The following DEPDC5 variants were observed in gnomAD, a reference collection of about 807,000 sequenced individuals.
DEPDC5 encodes the protein GATOR1 complex protein DEPDC5.
Under a neutral mutation model 217.3 loss-of-function variants are expected in DEPDC5, and 73 were observed. That is an observed-to-expected ratio of 0.34 (90% CI 0.28 to 0.41). The LOEUF is 0.41. DEPDC5 is among the 10% of genes least tolerant of loss of function. DEPDC5 has a pLI of 1.00. For synonymous variants in DEPDC5, 733 were observed against 756.7 expected, an observed-to-expected ratio of 0.97 and a Z score of 0.51; for missense variants, 1,675 against 2,070.1, an observed-to-expected ratio of 0.81 and a Z score of 3.70.
Position 31,798,653 on chromosome 22 carries a change from A to G in DEPDC5, c.943A>G (p.Asn315Asp). Residue 315 changes from asparagine to aspartate, a missense_variant, in exon 14 of 43, where the codon AAT (asparagine) becomes GAT (aspartate). Transcript: ENST00000651528. The part of the protein sequence containing the change: ...NYLEAINLSF[N>D]VFDKHYINRN... ...CCTGGAGGCCATCAATCTGTCATTC[A>G]ATGGTGAGTAAGGATGCCGGCCATG... is the stretch of plus-strand genomic sequence containing the variant. 6.2e-7 allele frequency: 1 copy of G among 1,610,962 alleles called. No individual in the cohort carries two copies. Among genetic ancestry groups the G allele is most frequent in the Non-Finnish European group, 8.5e-7 (1 of 1,178,108 alleles).
Position 31,857,490 on chromosome 22 carries a change from C to T in DEPDC5, c.3201C>T (p.Ser1067=), listed in dbSNP as rs775749832. 27 of 1,612,068 alleles carry T rather than the reference C, an allele frequency of 1.7e-5. No individual in the cohort carries two copies. Among genetic ancestry groups the T allele is most frequent in the African/African-American group, 8.0e-5 (6 of 75,020 alleles). Residue 1067 remains serine (S), a synonymous_variant, in exon 32 of 43, where the codon TCC becomes TCT. Transcript: ENST00000651528. ...QQAAVHGGKS[S]AQSAESSSVA... is the part of the protein sequence containing the mutation. ...CAGCTGTGCATGGTGGGAAGAGCTCCGCCCAGTCAGCCGAGAGCAGCAGCG... is the reference window on the plus strand; with the variant it reads ...CAGCTGTGCATGGTGGGAAGAGCTCTGCCCAGTCAGCCGAGAGCAGCAGCG...
intron 38 of DEPDC5, among the ~76,000 whole-genome samples, chr22:31,883,599 G>A (rs1478007965): frequency 6.6e-6 from 1 of 152,180 alleles, no homozygotes; most frequent in African/African-American, 2.4e-5. Flanking sequence ...GTCTCCTGAT[G>A]GGTACTACAA....
At chr22:31,847,460 C>A (rs2091804980) in intron 31 of DEPDC5, among the ~76,000 whole-genome samples, 1 of 152,166 alleles carries the variant, frequency 6.6e-6, no homozygotes, top group Non-Finnish European at 1.5e-5. Context: ...TTAATCAACT[C>A]ACAGTTCTGC....
At position 31,764,880 on chromosome 22, in the gene DEPDC5, T is replaced by A. The variant is rs920121067; in HGVS notation, c.194-95T>A. Reference sequence around the variant, plus strand: ...GTGTTGCCCGTGTCAGATGATCAATTGTGTTGCTTACTGAGTTGAGTGTTT... The same window carrying A: ...GTGTTGCCCGTGTCAGATGATCAATAGTGTTGCTTACTGAGTTGAGTGTTT... On this transcript the variant is annotated intron_variant, in intron 4 of 42. Coordinates refer to ENST00000651528, the MANE Select transcript of DEPDC5 (RefSeq NM_001242896.3). 5 of 862,362 alleles carry A rather than the reference T, an allele frequency of 5.8e-6. No individual in the cohort carries two copies. In the African/African-American group the frequency reaches 6.6e-5, roughly 11 times the overall value. The allele number at this position is 862,362 out of a possible 1,614,324, so 53.4% of individuals were successfully genotyped here. A position where few individuals can be genotyped will look rare whatever the true frequency, so the allele number is the denominator to read the frequency against.
In DEPDC5 at chr22:31,818,694, G is replaced by C. The variant is rs2089404207; in HGVS notation, c.1667-328G>C. Among the ~76,000 whole-genome samples the C allele has an allele frequency of 2.6e-5, 4 of 152,162 alleles. No homozygotes were observed. The South Asian group carries it at 8.3e-4, about 32-fold the overall frequency. ...GAGAATATACTCGTTCCTTTCCCAAGGGAGACAACTCAAGTCCCATCATTC... is the reference window on the plus strand; with the variant it reads ...GAGAATATACTCGTTCCTTTCCCAACGGAGACAACTCAAGTCCCATCATTC... On this transcript the variant is annotated intron_variant, in intron 21 of 42. Coordinates refer to ENST00000651528, the MANE Select transcript of DEPDC5 (RefSeq NM_001242896.3).
At chr22:31,777,209 C>T (rs532332699) in intron 7 of DEPDC5, among the ~76,000 whole-genome samples, 63 of 150,692 alleles carry the variant, frequency 4.2e-4, no homozygotes, top group Admixed American at 3.6e-3. Flanking sequence ...ATTCACCCGC[C>T]TCAGCCTCTC....
chr22:31,888,994 C>T (rs1274372608), intron 38 of DEPDC5, among the ~76,000 whole-genome samples: 2 of 152,224 alleles, frequency 1.3e-5, no homozygotes, highest in Non-Finnish European at 2.9e-5. Flanking sequence ...CAACATGGCA[C>T]TCACTCCCAA....
At chr22:31,818,908 G>T (rs1250503876) in intron 21 of DEPDC5, 114 bp from the exon 22 acceptor site, 3 of 1,056,294 alleles carry the variant, frequency 2.8e-6, no homozygotes, top group South Asian at 1.4e-5. Flanking sequence ...CTCACTCCCT[G>T]ACATTTATAA....
chr22:31,867,759 G>A (rs2092726668), intron 33 of DEPDC5, among the ~76,000 whole-genome samples: 1 of 152,130 alleles, frequency 6.6e-6, no homozygotes, highest in Admixed American at 6.5e-5. Context: ...CCCAATTCCT[G>A]ATCCAGAGGA....
Position 31,754,868 on chromosome 22 carries a change from A to G in DEPDC5, c.-54A>G. The stretch of plus-strand genomic sequence containing the variant: ...GTTTGTATTTCTGTGGCAGGGAGGC[A>G]AGATGACTTCTCTGCCCCAAGCTTG... On this transcript the variant is annotated 5_prime_UTR_variant, in exon 2 of 43. Transcript: ENST00000651528. The G allele has an allele frequency of 6.2e-7, 1 of 1,600,796 alleles. No individual in the cohort carries two copies. Among genetic ancestry groups the G allele is most frequent in the Non-Finnish European group, 8.6e-7 (1 of 1,169,582 alleles).
At chr22:31,808,849 G>A (rs2087889206) in intron 18 of DEPDC5, among the ~76,000 whole-genome samples, 1 of 152,034 alleles carries the variant, frequency 6.6e-6, no homozygotes, top group African/African-American at 2.4e-5. Context: ...ACAGGCATGA[G>A]CCTTTGTACT....
intron 40 of DEPDC5, among the ~76,000 whole-genome samples, chr22:31,898,050 T>C (rs1380783006): frequency 1.3e-5 from 2 of 152,082 alleles, no homozygotes; most frequent in African/African-American, 2.4e-5. Context: ...ATATGCTATT[T>C]CGTGCAAAAA....
rs1421803213 is a variant in DEPDC5 at position 31,766,687 on chromosome 22, T to G, written c.363+19T>G. The G allele has an allele frequency of 6.2e-7, 1 of 1,605,400 alleles. No homozygotes were observed. The highest frequency in any genetic ancestry group is 2.2e-5 in the East Asian group (1 of 44,794). ...AAGTTTGGTAAGATGTGATTTTTTT[T>G]GAAAGTCTGTTACTTTTTCCATTAT... On this transcript the variant is annotated intron_variant, in intron 6 of 42. Coordinates refer to ENST00000651528, the MANE Select transcript of DEPDC5 (RefSeq NM_001242896.3).
chr22:31,820,286 A>G (rs1316793080), intron 22 of DEPDC5, among the ~76,000 whole-genome samples: 3 of 152,160 alleles, frequency 2.0e-5, no homozygotes, highest in African/African-American at 4.8e-5. Context: ...TAATTTTTGT[A>G]TTTCTAGTAG....
chr22:31,818,946 T>C (rs1011717944), intron 21 of DEPDC5, 76 bp from the exon 22 acceptor site: 5 of 1,502,294 alleles, frequency 3.3e-6, no homozygotes, highest in Non-Finnish European at 3.7e-6. Context: ...AGCCTTGGTT[T>C]ATCATTCTAC....
At chr22:31,861,678 CT>C (rs1173207447) in intron 33 of DEPDC5, among the ~76,000 whole-genome samples, 1 of 152,206 alleles carries the variant, frequency 6.6e-6, no homozygotes, top group Non-Finnish European at 1.5e-5. Context: ...TTTCTCATCA[CT>C]GTCTGTTTCA....
rs1050747298 is a variant in DEPDC5, at chr22:31,908,027, C to G, written c.*1530C>G. 6.6e-6 allele frequency: 1 copy of G among 152,194 alleles called. No individual in the cohort carries two copies. The highest frequency in any genetic ancestry group is 2.4e-5 in the African/African-American group (1 of 41,448). The allele number at this position is 152,194 out of a possible 1,614,324, so 9.4% of individuals were successfully genotyped here. ...TTTTTATAAAACCACTGTGATTTTG[C>G]CCACCACTTAACTAGAACTTTTTGG... is the stretch of plus-strand genomic sequence containing the variant. On this transcript the variant is annotated 3_prime_UTR_variant, in exon 43 of 43. Coordinates refer to ENST00000651528, the MANE Select transcript of DEPDC5 (RefSeq NM_001242896.3).
intron 40 of DEPDC5, among the ~76,000 whole-genome samples, chr22:31,898,895 C>T (rs1006632709): frequency 2.0e-5 from 3 of 152,228 alleles, no homozygotes; most frequent in Non-Finnish European, 4.4e-5. Flanking sequence ...TTTAACCTCA[C>T]AGTGATGTGG....
intron 38 of DEPDC5, among the ~76,000 whole-genome samples, chr22:31,883,585 G>A (rs992515742): frequency 2.0e-5 from 3 of 152,288 alleles, no homozygotes; most frequent in Non-Finnish European, 2.9e-5. Context: ...TAATCTTTAC[G>A]TCAGTCTCCT....
Sources: allele counts gnomAD v4.1 joint callset (sites outside exome capture counted in the v4.1 genomes callset), GRCh38; gene constraint gnomAD v4.1.1; transcripts MANE v1.5; gene names NCBI Gene and HGNC (gene_info 2026-07-23, HGNC 2026-07-21).